GCNT1: variants seen among roughly 807,000 people sequenced by gnomAD.
The protein encoded by GCNT1 is glucosaminyl (N-acetyl) transferase 1, also known as beta-1,3-galactosyl-O-glycosyl-glycoprotein beta-1,6-N-acetylglucosaminyltransferase.
A neutral mutation model predicts 26.2 loss-of-function variants in GCNT1; 16 were observed. The ratio of observed to expected loss-of-function variants is 0.61; its 90% CI spans 0.41 to 0.93. The LOEUF (loss-of-function observed/expected upper bound fraction) is 0.93, where lower values mean the gene tolerates loss of function less well. Among genes scored for constraint, GCNT1 ranks in the 40% least tolerant of loss-of-function variants. The pLI is 0.00. For missense variants in GCNT1, 477 were observed against 526.7 expected (o/e 0.91, Z 0.92); for synonymous variants, 183 against 190.8 (o/e 0.96, Z 0.34).
chr9:76,464,427 G>T (rs1823950345), intron 2 of GCNT1, among the ~76,000 whole-genome samples: 1 of 152,168 alleles, frequency 6.6e-6, no homozygotes, highest in African/African-American at 2.4e-5. Context: ...ATGTTGCCCA[G>T]GCTGGTCTCA....
the GCNT1 span, chr9:76,394,057 C>G: frequency 2.4e-5 from 37 of 1,558,358 alleles, no homozygotes; most frequent in East Asian, 8.8e-4. Context: ...CCACGTGACC[C>G]GGCCCGGGGG....
chr9:76,481,004 C>T (rs1310629023), intron 2 of GCNT1, among the ~76,000 whole-genome samples: 3 of 151,802 alleles, frequency 2.0e-5, no homozygotes, highest in African/African-American at 7.3e-5. Context: ...TTTGGGAGGC[C>T]AAGGTGGGAG....
the GCNT1 span, among the ~76,000 whole-genome samples, chr9:76,395,457 C>T: frequency 6.6e-6 from 1 of 152,070 alleles, no homozygotes; most frequent in Non-Finnish European, 1.5e-5. Flanking sequence ...CTTGGTGGCT[C>T]ACGCCTGTAT....
intron 1 of GCNT1, among the ~76,000 whole-genome samples, chr9:76,449,817 C>T (rs1823635852): frequency 6.6e-6 from 1 of 152,114 alleles, no homozygotes; most frequent in Non-Finnish European, 1.5e-5. Context: ...AGAGTCTCAC[C>T]CTGTCACCCA....
At chr9:76,447,828 A>G (rs1204329024) in intron 1 of GCNT1, among the ~76,000 whole-genome samples, 1 of 152,208 alleles carries the variant, frequency 6.6e-6, no homozygotes. Flanking sequence ...CTTCTTTAGC[A>G]TGTCAGTCCA....
the GCNT1 span, among the ~76,000 whole-genome samples, chr9:76,404,295 T>A: frequency 6.6e-6 from 1 of 152,208 alleles, no homozygotes; most frequent in African/African-American, 2.4e-5. Flanking sequence ...GAATTTTTTT[T>A]CTGTCCAATA....
chr9:76,482,422 C>T (rs955293483), intron 2 of GCNT1, among the ~76,000 whole-genome samples: 1 of 151,352 alleles, frequency 6.6e-6, no homozygotes, highest in Non-Finnish European at 1.5e-5. Context: ...GAGATCGAGA[C>T]CATCCTGGCT....
chr9:76,479,076 C>G (rs1355882177), intron 2 of GCNT1, among the ~76,000 whole-genome samples: 1 of 151,798 alleles, frequency 6.6e-6, no homozygotes, highest in Non-Finnish European at 1.5e-5. Flanking sequence ...TCTCATTGCT[C>G]AATTCTCACC....
chr9:76,464,039 T>A (rs957602537), intron 2 of GCNT1, among the ~76,000 whole-genome samples: 1 of 59,690 alleles, frequency 1.7e-5, no homozygotes, highest in Non-Finnish European at 3.2e-5. Flanking sequence ...TCTTTTTTTG[T>A]TTTTTTTTTT....
intron 2 of GCNT1, among the ~76,000 whole-genome samples, chr9:76,466,727 AG>A (rs1448484253): frequency 1.3e-5 from 2 of 151,818 alleles, no homozygotes; most frequent in Non-Finnish European, 2.9e-5. Flanking sequence ...GGAAGGACGG[AG>A]GGAGAGGATG....
Position 76,471,887 on chromosome 9 carries a change from G to A in GCNT1, c.-290+11710G>A, listed in dbSNP as rs12684940. Among the ~76,000 whole-genome samples, 62 of 152,230 alleles carry A rather than the reference G, an allele frequency of 4.1e-4. 2 individuals are homozygous for A. The East Asian group carries it at 0.01, about 25-fold the overall frequency. Reference sequence around the variant, plus strand: ...GAGACCAGTCTCGCTTTGTTGCCCAGGCTGGAGTGCAGTGGCATGATCACA... The same window carrying A: ...GAGACCAGTCTCGCTTTGTTGCCCAAGCTGGAGTGCAGTGGCATGATCACA... On this transcript the variant is annotated intron_variant, in intron 2 of 3. Transcript: ENST00000376730.
At chr9:76,417,484 A>G (rs1823143016), upstream of GCNT1, among the ~76,000 whole-genome samples, 1 of 152,252 alleles carries the variant, frequency 6.6e-6, no homozygotes, top group South Asian at 2.1e-4. Context: ...GAGTAACTGG[A>G]TAAGAAGCCA....
In GCNT1 at chr9:76,480,691, T is replaced by C. The variant is rs141013289; in HGVS notation, c.-289-20225T>C. The stretch of plus-strand genomic sequence containing the variant: ...TGCTAATAAATACTATTTTCATTAA[T>C]GAGTGAAATGCAAGGGTTATTTAAA... On this transcript the variant is annotated intron_variant, in intron 2 of 3. Transcript: ENST00000376730. Among the ~76,000 whole-genome samples the C allele has an allele frequency of 1.4e-3, 207 of 152,296 alleles. 1 individual carries two copies. The highest frequency in any genetic ancestry group is 4.8e-3 in the African/African-American group (198 of 41,550).
At chr9:76,482,871 C>T (rs1009726274) in intron 2 of GCNT1, among the ~76,000 whole-genome samples, 3 of 144,198 alleles carry the variant, frequency 2.1e-5, no homozygotes, top group African/African-American at 5.1e-5. Context: ...AGGCTGGTCT[C>T]AAACTCCTGG....
At chr9:76,478,858 T>G (rs1473066077) in intron 2 of GCNT1, among the ~76,000 whole-genome samples, 2 of 152,256 alleles carry the variant, frequency 1.3e-5, no homozygotes, top group East Asian at 3.8e-4. Context: ...ATACATTTTA[T>G]TTATCTATTT....
chr9:76,441,103 A>C (rs1046371504), upstream of GCNT1, among the ~76,000 whole-genome samples: 2 of 150,716 alleles, frequency 1.3e-5, no homozygotes, highest in African/African-American at 4.9e-5. Context: ...GCCACATTCC[A>C]TAGCAATCAC....
intron 2 of GCNT1, among the ~76,000 whole-genome samples, chr9:76,483,234 G>C (rs1046173917): frequency 1.3e-5 from 2 of 152,136 alleles, no homozygotes; most frequent in African/African-American, 4.8e-5. Flanking sequence ...CAAGTGCTCA[G>C]TAGTTGCATG....
chr9:76,485,169 A>G (rs1056039508), intron 2 of GCNT1, among the ~76,000 whole-genome samples: 2 of 150,260 alleles, frequency 1.3e-5, no homozygotes, highest in Middle Eastern at 3.5e-3. Flanking sequence ...TTTGTTTATT[A>G]TATGTACTTT....
At chr9:76,430,090 G>A (rs951894633) in intron 1 of GCNT1, among the ~76,000 whole-genome samples, 3 of 152,028 alleles carry the variant, frequency 2.0e-5, no homozygotes, top group African/African-American at 7.2e-5. Flanking sequence ...CAGATTCAAG[G>A]GGCAGAGAAA....
Sources: allele counts gnomAD v4.1 joint callset (sites outside exome capture counted in the v4.1 genomes callset), GRCh38; gene constraint gnomAD v4.1.1; transcripts MANE v1.5; gene names NCBI Gene and HGNC (gene_info 2026-07-23, HGNC 2026-07-21).